The following PAFAH1B1 variants were observed in gnomAD, a reference collection of about 807,000 sequenced individuals.
PAFAH1B1 encodes the protein platelet activating factor acetylhydrolase 1b regulatory subunit 1, also known as platelet-activating factor acetylhydrolase IB subunit beta.
Under a neutral mutation model 57.5 loss-of-function variants are expected in PAFAH1B1, and 2 were observed. The observed-to-expected ratio is 0.03, with a 90% CI of 0.01 to 0.11. The LOEUF is 0.11. PAFAH1B1 is among the 10% of genes least tolerant of loss of function. The probability of loss-of-function intolerance (pLI) is 1.00; values close to 1 mark genes in which losing one functional copy is unlikely to be tolerated. For synonymous variants in PAFAH1B1, 152 were observed against 169.6 expected (o/e 0.90, Z 0.81); for missense variants, 257 against 512.0 (o/e 0.50, Z 4.81).
rs1567528423 is a variant in PAFAH1B1, at chr17:2,614,025, T to TTTG, written c.-191+20021_-191+20022insGTT. On this transcript the variant is annotated intron_variant, in intron 1 of 10. Transcript: ENST00000397195. The stretch of plus-strand genomic sequence containing the variant: ...TATATATTGTTTATATATTGGGTTT[T>TTTG]TTTTTTTTTTTTTTTTTGAGACGTG... 4.3e-5 allele frequency: 6 copies of TTTG among 140,510 alleles called. No homozygotes were observed. The South Asian group carries it at 1.0e-3, about 24-fold the overall frequency. 8.7% of individuals were successfully genotyped at this position (140,510 alleles called of 1,614,324 possible). A position where few individuals can be genotyped will look rare whatever the true frequency, so the allele number is the denominator to read the frequency against.
intron 2 of PAFAH1B1, among the ~76,000 whole-genome samples, chr17:2,657,310 C>T (rs965754239): frequency 6.6e-6 from 1 of 152,192 alleles, no homozygotes; most frequent in African/African-American, 2.4e-5. Flanking sequence ...GTGGCGCCAT[C>T]TTGGCTCACT....
At chr17:2,615,260 TTTA>T (rs1368433158) in intron 1 of PAFAH1B1, among the ~76,000 whole-genome samples, 1 of 152,132 alleles carries the variant, frequency 6.6e-6, no homozygotes, top group Non-Finnish European at 1.5e-5. Context: ...CGAGCATTGT[TTTA>T]TTGGTATCCG....
intron 7 of PAFAH1B1, 54 bp from the exon 8 acceptor site, chr17:2,674,006 G>T: frequency 7.9e-7 from 1 of 1,260,106 alleles, no homozygotes; most frequent in Non-Finnish European, 1.2e-6. Context: ...ATCACTTCTG[G>T]GAAGTGTCCT....
chr17:2,623,932 C>T (rs1296420618), intron 1 of PAFAH1B1, among the ~76,000 whole-genome samples: 2 of 152,130 alleles, frequency 1.3e-5, no homozygotes, highest in Non-Finnish European at 2.9e-5. Flanking sequence ...GAGCCACTGC[C>T]CCTGGTTGCT....
intron 3 of PAFAH1B1, 49 bp from the exon 4 acceptor site, chr17:2,665,964 TGAG>T: frequency 1.5e-6 from 2 of 1,369,254 alleles, no homozygotes; most frequent in South Asian, 2.6e-5. Context: ...ATCTTTGTCT[TGAG>T]GATCATAGTT....
intron 10 of PAFAH1B1, among the ~76,000 whole-genome samples, chr17:2,680,621 TTAG>T (rs1223921009): frequency 1.6e-4 from 25 of 152,346 alleles, no homozygotes; most frequent in African/African-American, 6.0e-4. Context: ...TTCTCCCCTA[TTAG>T]TTTGTTTCTC....
At chr17:2,681,297 T>A (rs1414472947) in intron 10 of PAFAH1B1, 3 of 154,012 alleles carry the variant, frequency 1.9e-5, no homozygotes, top group Non-Finnish European at 4.3e-5. Context: ...AACAGGCGTT[T>A]TTATTGAGAT....
chr17:2,671,568 C>CTTT (rs149639801), intron 6 of PAFAH1B1, among the ~76,000 whole-genome samples: 2 of 102,472 alleles, frequency 2.0e-5, no homozygotes, highest in African/African-American at 7.1e-5. Context: ...CTTTCTAATG[C>CTTT]ATTTTTTTTT....
chr17:2,666,462 A>C (rs2069107636), intron 4 of PAFAH1B1, among the ~76,000 whole-genome samples: 1 of 152,224 alleles, frequency 6.6e-6, no homozygotes, highest in African/African-American at 2.4e-5. Flanking sequence ...TTATCTGTAA[A>C]TACAACAAAT....
At chr17:2,673,748 T>G in intron 7 of PAFAH1B1, 1 of 326,146 alleles carries the variant, frequency 3.1e-6, no homozygotes, top group Non-Finnish European at 5.8e-6. Flanking sequence ...AGTTACTAGT[T>G]TTACTCAGAT....
intron 2 of PAFAH1B1, chr17:2,639,453 A>C (rs2068668423): frequency 6.6e-6 from 1 of 152,162 alleles, no homozygotes; most frequent in Admixed American, 6.6e-5. Context: ...AGAGGTGTGA[A>C]ATGGTTTGAC....
chr17:2,653,806 T>A (rs114314309), intron 2 of PAFAH1B1, among the ~76,000 whole-genome samples: 9,036 of 152,204 alleles, frequency 0.059, 686 homozygotes, highest in African/African-American at 0.18. Flanking sequence ...TTTTATTTTT[T>A]AAATTTATTA....
chr17:2,633,167 T>A (rs999430949), intron 1 of PAFAH1B1, among the ~76,000 whole-genome samples: 3 of 151,454 alleles, frequency 2.0e-5, no homozygotes, highest in African/African-American at 7.3e-5. Context: ...TTTCTTTTTC[T>A]TTCTTTTCTT....
intron 2 of PAFAH1B1, among the ~76,000 whole-genome samples, chr17:2,658,204 A>G (rs548068873): frequency 6.6e-5 from 10 of 152,272 alleles, no homozygotes; most frequent in African/African-American, 2.2e-4. Flanking sequence ...CATAATTAGG[A>G]GTTCAGCTGG....
intron 2 of PAFAH1B1, among the ~76,000 whole-genome samples, chr17:2,657,874 C>G (rs1307373562): frequency 1.3e-5 from 2 of 152,170 alleles, no homozygotes; most frequent in East Asian, 1.9e-4. Flanking sequence ...CCTTCTTCCT[C>G]TTTCCTTTTT....
chr17:2,681,932 C>T lies in PAFAH1B1; in HGVS notation c.*130C>T. ...TAAATTATTCTGGATGTAGATTGAG[C>T]TTATTAAATGTTACACACAAAGTAT... On this transcript the variant is annotated 3_prime_UTR_variant, in exon 11 of 11. Coordinates refer to ENST00000397195, the MANE Select transcript of PAFAH1B1 (RefSeq NM_000430.4). The T allele has an allele frequency of 1.5e-6, 1 of 681,710 alleles. No individual in the cohort carries two copies. The highest frequency in any genetic ancestry group is 2.0e-5 in the South Asian group (1 of 51,216). 42.2% of individuals were successfully genotyped at this position (681,710 alleles called of 1,614,324 possible).
chr17:2,602,699 C>T (rs1490362102), intron 1 of PAFAH1B1, among the ~76,000 whole-genome samples: 1 of 152,156 alleles, frequency 6.6e-6, no homozygotes, highest in Non-Finnish European at 1.5e-5. Flanking sequence ...ATCACACTTC[C>T]CTACTTAAAA....
chr17:2,607,664 A>T (rs560432057), intron 1 of PAFAH1B1, among the ~76,000 whole-genome samples: 1 of 151,578 alleles, frequency 6.6e-6, no homozygotes, highest in South Asian at 2.1e-4. Flanking sequence ...TTGTACTTTT[A>T]GTAGAGACAG....
rs183067426 is a variant in PAFAH1B1, at chr17:2,601,593, C to T, written c.-191+7587C>T. On this transcript the variant is annotated intron_variant, in intron 1 of 10. Coordinates refer to ENST00000397195, the MANE Select transcript of PAFAH1B1 (RefSeq NM_000430.4). ...AGTAGCTGAGATTACAGGTGCCTGC[C>T]GGCATACCTGGCTCATATTTCTATT... Among the ~76,000 whole-genome samples, 16 of 152,286 alleles carry T rather than the reference C, an allele frequency of 1.1e-4. No homozygotes were observed. In the East Asian group the frequency reaches 2.7e-3, roughly 26 times the overall value.
Sources: allele counts gnomAD v4.1 joint callset (sites outside exome capture counted in the v4.1 genomes callset), GRCh38; gene constraint gnomAD v4.1.1; transcripts MANE v1.5; gene names NCBI Gene and HGNC (gene_info 2026-07-23, HGNC 2026-07-21).